The following GNAI1 variants were observed in gnomAD, a reference collection of about 807,000 sequenced individuals.
GNAI1 encodes the protein G protein subunit alpha i1.
In GNAI1, 11 loss-of-function variants were observed where a neutral mutation model predicts 38.9. The ratio of observed to expected loss-of-function variants is 0.28; its 90% CI spans 0.18 to 0.47. The LOEUF (loss-of-function observed/expected upper bound fraction) is 0.47, where lower values mean the gene tolerates loss of function less well. Ranked by LOEUF, GNAI1 falls within the 20% of genes least tolerant of loss-of-function variation. The pLI is 0.99. For missense variants in GNAI1, 317 were observed against 436.9 expected (o/e 0.73, Z 2.45); for synonymous variants, 166 against 145.1 (o/e 1.14, Z -1.04).
intron 3 of GNAI1, among the ~76,000 whole-genome samples, chr7:80,191,025 A>G (rs916901805): frequency 6.6e-6 from 1 of 151,530 alleles, no homozygotes; most frequent in African/African-American, 2.4e-5. Context: ...TTGTTTCACT[A>G]TTGCTGGTTT....
At chr7:80,170,682 G>A (rs376727566) in intron 1 of GNAI1, among the ~76,000 whole-genome samples, 1 of 152,090 alleles carries the variant, frequency 6.6e-6, no homozygotes, top group African/African-American at 2.4e-5. Context: ...ATATATACTT[G>A]TAAGAAACCA....
intron 4 of GNAI1, among the ~76,000 whole-genome samples, chr7:80,201,563 A>C (rs2115677201): frequency 6.6e-6 from 1 of 152,174 alleles, no homozygotes; most frequent in East Asian, 1.9e-4. Context: ...TACAAAAAGT[A>C]AAAATAAAAA....
chr7:80,165,245 G>A (rs1396403122), intron 1 of GNAI1, among the ~76,000 whole-genome samples: 1 of 152,082 alleles, frequency 6.6e-6, no homozygotes, highest in African/African-American at 2.4e-5. Flanking sequence ...CAGTAATGTT[G>A]TACAGTGCTC....
intron 1 of GNAI1, among the ~76,000 whole-genome samples, chr7:80,162,555 C>T (rs746933733): frequency 4.6e-5 from 7 of 152,188 alleles, no homozygotes; most frequent in Non-Finnish European, 1.0e-4. Flanking sequence ...GCTGCACAAG[C>T]AAAATCAGCT....
At chr7:80,203,215 A>G (rs576087293) in intron 4 of GNAI1, among the ~76,000 whole-genome samples, 6 of 152,346 alleles carry the variant, frequency 3.9e-5, no homozygotes, top group East Asian at 1.9e-4. Flanking sequence ...TGTATGTAAC[A>G]TAAGACTGGT....
chr7:80,148,943 TGTA>T (rs1787676932), intron 1 of GNAI1, among the ~76,000 whole-genome samples: 1 of 152,146 alleles, frequency 6.6e-6, no homozygotes, highest in African/African-American at 2.4e-5. Context: ...CTAATACTAA[TGTA>T]GTCTCAATAG....
chr7:80,193,228 A>G (rs1274233412), intron 3 of GNAI1, among the ~76,000 whole-genome samples: 1 of 152,156 alleles, frequency 6.6e-6, no homozygotes, highest in Non-Finnish European at 1.5e-5. Flanking sequence ...CCCTGTTGAA[A>G]CACAACAAAC....
chr7:80,153,290 A>G (rs1349568855), intron 1 of GNAI1, among the ~76,000 whole-genome samples: 2 of 152,158 alleles, frequency 1.3e-5, no homozygotes, highest in African/African-American at 2.4e-5. Context: ...TAATATGGCC[A>G]TAATATAGTT....
rs1382809479 is a variant in GNAI1, at chr7:80,219,264, GAATA to G, written c.*1775_*1778del. The G allele has an allele frequency of 6.6e-6, 1 of 152,366 alleles. No individual in the cohort carries two copies. The highest frequency in any genetic ancestry group is 1.9e-4 in the East Asian group (1 of 5,174). 9.4% of individuals were successfully genotyped at this position (152,366 alleles called of 1,614,324 possible). ...TGTGTATGAAATTCAACTATAATAT[GAATA>G]AATTTGAATCATGAGAATTATGGGT... On this transcript the variant is annotated 3_prime_UTR_variant, in exon 8 of 8. Transcript: ENST00000649796.
intron 1 of GNAI1, among the ~76,000 whole-genome samples, chr7:80,147,904 G>C (rs764494938): frequency 1.3e-5 from 2 of 152,102 alleles, no homozygotes; most frequent in Non-Finnish European, 2.9e-5. Flanking sequence ...TAGAATGCCA[G>C]TTCTATGGCC....
intron 3 of GNAI1, among the ~76,000 whole-genome samples, chr7:80,189,782 C>G (rs1346393186): frequency 6.6e-6 from 1 of 151,976 alleles, no homozygotes; most frequent in Non-Finnish European, 1.5e-5. Context: ...CTTTATTTTG[C>G]CAAGAAAGAA....
At chr7:80,214,603 T>A (rs1788928889) in intron 7 of GNAI1, among the ~76,000 whole-genome samples, 1 of 152,166 alleles carries the variant, frequency 6.6e-6, no homozygotes, top group Admixed American at 6.6e-5. Flanking sequence ...TTCTTTCACA[T>A]CCCCAGAGTT....
chr7:80,207,606 G>A (rs1788797776), intron 5 of GNAI1, among the ~76,000 whole-genome samples: 1 of 152,026 alleles, frequency 6.6e-6, no homozygotes, highest in East Asian at 1.9e-4. Context: ...TTTCAACTTT[G>A]CTTTTTATAG....
chr7:80,154,903 G>T (rs1787793071), intron 1 of GNAI1, among the ~76,000 whole-genome samples: 1 of 151,870 alleles, frequency 6.6e-6, no homozygotes, highest in Admixed American at 6.6e-5. Flanking sequence ...CAACTTCCTA[G>T]GTTATAGATA....
In GNAI1 at chr7:80,220,695, T is replaced by A. The variant is rs1382956672; in HGVS notation, c.*3202T>A. On this transcript the variant is annotated 3_prime_UTR_variant, in exon 8 of 8. Coordinates refer to ENST00000649796, the MANE Select transcript of GNAI1 (RefSeq NM_002069.6). The stretch of plus-strand genomic sequence containing the variant: ...GAAAAAGTACTGATTAAAATCCATA[T>A]GTTCTCATTGAATACTGACAGTAAC... Among the ~76,000 whole-genome samples, 6 of 152,206 alleles carry A rather than the reference T, an allele frequency of 3.9e-5. No individual in the cohort carries two copies. Among genetic ancestry groups the A allele is most frequent in the African/African-American group, 1.4e-4 (6 of 41,450 alleles).
At chr7:80,173,789 T>C (rs1414913294) in intron 1 of GNAI1, among the ~76,000 whole-genome samples, 1 of 152,168 alleles carries the variant, frequency 6.6e-6, no homozygotes, top group African/African-American at 2.4e-5. Flanking sequence ...GAGTTCCCTC[T>C]AAGTGCAGTC....
At chr7:80,144,842 C>T (rs886313874) in intron 1 of GNAI1, among the ~76,000 whole-genome samples, 1 of 152,060 alleles carries the variant, frequency 6.6e-6, no homozygotes, top group African/African-American at 2.4e-5. Flanking sequence ...GAAATTGATC[C>T]ATGTATACTA....
intron 1 of GNAI1, among the ~76,000 whole-genome samples, chr7:80,186,180 C>A (rs1037293582): frequency 2.6e-5 from 4 of 151,848 alleles, no homozygotes; most frequent in African/African-American, 9.7e-5. Context: ...CTATAGGCAC[C>A]TACCACCACG....
chr7:80,183,990 C>CTT (rs1788345600), intron 1 of GNAI1, among the ~76,000 whole-genome samples: 2 of 152,000 alleles, frequency 1.3e-5, no homozygotes, highest in African/African-American at 4.8e-5. Context: ...CTCCTTTGTC[C>CTT]TCAGCACAGT....
Sources: allele counts gnomAD v4.1 joint callset (sites outside exome capture counted in the v4.1 genomes callset), GRCh38; gene constraint gnomAD v4.1.1; transcripts MANE v1.5; gene names NCBI Gene and HGNC (gene_info 2026-07-23, HGNC 2026-07-21).